Variants in NELL2 observed in about 807,000 individuals in gnomAD.
The protein encoded by NELL2 is protein kinase C-binding protein NELL2.
A neutral mutation model predicts 109.6 loss-of-function variants in NELL2; 41 were observed. The observed-to-expected ratio is 0.37, with a 90% CI of 0.29 to 0.49. NELL2 has a LOEUF of 0.49. Ranked by LOEUF, NELL2 falls within the 20% of genes least tolerant of loss-of-function variation. The probability of loss-of-function intolerance (pLI) is 0.98; values close to 1 mark genes in which losing one functional copy is unlikely to be tolerated. For synonymous variants in NELL2, 355 were observed against 344.7 expected (o/e 1.03, Z -0.33); for missense variants, 900 against 1,008.3 (o/e 0.89, Z 1.45).
intron 15 of NELL2, among the ~76,000 whole-genome samples, chr12:44,597,027 T>A (rs190864541): frequency 1.3e-5 from 2 of 152,322 alleles, no homozygotes; most frequent in East Asian, 1.9e-4. Context: ...AGTGTGGAAA[T>A]CTTAAGTGTC....
intron 2 of NELL2, among the ~76,000 whole-genome samples, chr12:44,829,245 G>A (rs1300388356): frequency 2.0e-5 from 3 of 152,138 alleles, no homozygotes; most frequent in African/African-American, 4.8e-5. Context: ...TGAAGATGAT[G>A]ATGATGATGT....
chr12:44,516,613 G>C (rs1045737717), intron 19 of NELL2, among the ~76,000 whole-genome samples: 2 of 152,092 alleles, frequency 1.3e-5, no homozygotes, highest in African/African-American at 4.8e-5. Context: ...CTTTTTTAGT[G>C]AGTTGTTTAT....
chr12:44,703,033 A>C (rs2136419538), intron 12 of NELL2, among the ~76,000 whole-genome samples: 1 of 152,270 alleles, frequency 6.6e-6, no homozygotes, highest in African/African-American at 2.4e-5. Context: ...TATTTGTAGA[A>C]CTCATTAGCT....
chr12:44,844,029 C>A (rs1944302403), intron 2 of NELL2, among the ~76,000 whole-genome samples: 1 of 151,988 alleles, frequency 6.6e-6, no homozygotes, highest in South Asian at 2.1e-4. Flanking sequence ...CTCAAAAAAA[C>A]AAAAAACAAA....
intron 12 of NELL2, among the ~76,000 whole-genome samples, chr12:44,668,984 G>C (rs765064550): frequency 7.9e-5 from 12 of 151,996 alleles, no homozygotes; most frequent in Non-Finnish European, 1.5e-4. Flanking sequence ...AGGCCACTGA[G>C]GGCCCAAGGA....
chr12:44,572,602 G>T (rs953156758), intron 15 of NELL2, among the ~76,000 whole-genome samples: 2 of 143,880 alleles, frequency 1.4e-5, no homozygotes, highest in Non-Finnish European at 3.1e-5. Context: ...GTGTTTCAAT[G>T]TTACTTGATT....
intron 15 of NELL2, among the ~76,000 whole-genome samples, chr12:44,565,465 T>C (rs1046399995): frequency 6.6e-5 from 10 of 152,160 alleles, no homozygotes; most frequent in Non-Finnish European, 1.5e-4. Context: ...GTATTGTAAC[T>C]CTTGTGTGAC....
intron 15 of NELL2, among the ~76,000 whole-genome samples, chr12:44,542,011 A>C (rs1342995365): frequency 6.6e-6 from 1 of 152,248 alleles, no homozygotes; most frequent in Admixed American, 6.5e-5. Flanking sequence ...AATGAAACAA[A>C]GACCTACATC....
intron 1 of NELL2, among the ~76,000 whole-genome samples, chr12:44,893,211 C>G (rs753390769): frequency 2.0e-5 from 3 of 152,156 alleles, no homozygotes; most frequent in Non-Finnish European, 2.9e-5. Flanking sequence ...CAGGAATTTC[C>G]TGGTTTGTGG....
intron 12 of NELL2, among the ~76,000 whole-genome samples, chr12:44,680,237 G>A (rs1948452740): frequency 6.6e-6 from 1 of 151,982 alleles, no homozygotes; most frequent in South Asian, 2.1e-4. Context: ...ATTTCCAATT[G>A]CTTGCTTGTA....
chr12:44,697,076 G>C (rs1949082242), intron 12 of NELL2, among the ~76,000 whole-genome samples: 2 of 152,288 alleles, frequency 1.3e-5, no homozygotes, highest in Non-Finnish European at 2.9e-5. Flanking sequence ...GCTAATAATA[G>C]TTGTAAATAA....
chr12:44,536,919 G>A (rs1489542756), intron 15 of NELL2, among the ~76,000 whole-genome samples: 1 of 151,430 alleles, frequency 6.6e-6, no homozygotes, highest in African/African-American at 2.4e-5. Context: ...AAAAATGAAA[G>A]GCACTGCTGA....
intron 1 of NELL2, chr12:44,913,739 A>G: frequency 1.5e-6 from 1 of 657,056 alleles, no homozygotes; most frequent in South Asian, 1.8e-5. Context: ...CCCTCCTTAA[A>G]GAATTTTTAA....
chr12:44,592,464 T>C (rs979696403), intron 15 of NELL2, among the ~76,000 whole-genome samples: 1 of 151,826 alleles, frequency 6.6e-6, no homozygotes, highest in Non-Finnish European at 1.5e-5. Flanking sequence ...CAGAGCATGG[T>C]GGAGAGGAAA....
Position 44,779,678 on chromosome 12 carries a change from C to T in NELL2, c.591G>A (p.Ala197=), listed in dbSNP as rs373223141. 51 of 1,612,934 alleles carry T rather than the reference C, an allele frequency of 3.2e-5. No homozygotes were observed. Among genetic ancestry groups the T allele is most frequent in the African/African-American group, 2.4e-4 (18 of 74,880 alleles). Residue 197 remains alanine, a synonymous_variant, in exon 5 of 20, where the codon GCG becomes GCA. Transcript: ENST00000429094. ...TTFWLGQRNN[A]HGYFKGIMQD... ...CAAAAGATACCTTAAAATATCCATG[C>T]GCATTATTTCTCTGTCCTAGCCAAA...
intron 9 of NELL2, among the ~76,000 whole-genome samples, chr12:44,737,679 G>A (rs562466164): frequency 6.6e-6 from 1 of 152,002 alleles, no homozygotes; most frequent in African/African-American, 2.4e-5. Context: ...GGCCCACAGA[G>A]AATCATTCTT....
At chr12:44,551,469 T>C (rs944878178) in intron 15 of NELL2, among the ~76,000 whole-genome samples, 2 of 152,140 alleles carry the variant, frequency 1.3e-5, no homozygotes, top group Non-Finnish European at 2.9e-5. Context: ...TCATTAGCAG[T>C]CAGAGAGACA....
At chr12:44,609,354 G>A (rs932885570) in intron 14 of NELL2, among the ~76,000 whole-genome samples, 15 of 152,014 alleles carry the variant, frequency 9.9e-5, no homozygotes, top group African/African-American at 1.7e-4. Flanking sequence ...AGACAGTGTG[G>A]ACACACTGGA....
intron 2 of NELL2, among the ~76,000 whole-genome samples, chr12:44,822,764 C>T (rs1197170487): frequency 6.6e-6 from 1 of 152,100 alleles, no homozygotes. Flanking sequence ...CAGTTTAAAG[C>T]AATTATTAAT....
Sources: allele counts gnomAD v4.1 joint callset (sites outside exome capture counted in the v4.1 genomes callset), GRCh38; gene constraint gnomAD v4.1.1; transcripts MANE v1.5; gene names NCBI Gene and HGNC (gene_info 2026-07-23, HGNC 2026-07-21).